Variants in CAMK2D observed in about 807,000 individuals in gnomAD.
CAMK2D encodes calcium/calmodulin-dependent protein kinase type II subunit delta.
A neutral mutation model predicts 84.0 loss-of-function variants in CAMK2D; 37 were observed. The ratio of observed to expected loss-of-function variants is 0.44; its 90% CI spans 0.34 to 0.58. The LOEUF is 0.58. CAMK2D is among the 20% of genes least tolerant of loss of function. CAMK2D has a pLI of 0.02. For missense variants in CAMK2D, 448 were observed against 652.5 expected (o/e 0.69, Z 3.41); for synonymous variants, 202 against 212.5 (o/e 0.95, Z 0.43).
intron 6 of CAMK2D, among the ~76,000 whole-genome samples, chr4:113,541,953 T>G (rs942012002): frequency 6.6e-6 from 1 of 152,244 alleles, no homozygotes; most frequent in African/African-American, 2.4e-5. Flanking sequence ...AATTAATGCC[T>G]GAATTCATGT....
chr4:113,683,333 C>T (rs2099350984), intron 2 of CAMK2D, among the ~76,000 whole-genome samples: 2 of 152,134 alleles, frequency 1.3e-5, no homozygotes, highest in African/African-American at 2.4e-5. Flanking sequence ...GAAAACCAGA[C>T]AGGGCACCGC....
At chr4:113,628,112 CCATT>C (rs1263485696) in intron 3 of CAMK2D, among the ~76,000 whole-genome samples, 7 of 152,240 alleles carry the variant, frequency 4.6e-5, no homozygotes, top group African/African-American at 1.7e-4. Flanking sequence ...ATGTGGTTAA[CCATT>C]CATGAAATTT....
At chr4:113,736,256 C>A (rs1393174193) in intron 2 of CAMK2D, among the ~76,000 whole-genome samples, 1 of 151,978 alleles carries the variant, frequency 6.6e-6, no homozygotes, top group African/African-American at 2.4e-5. Context: ...TTTTTAGATG[C>A]TATTCTTCAA....
chr4:113,594,808 A>C (rs2098916612), intron 4 of CAMK2D, among the ~76,000 whole-genome samples: 1 of 152,200 alleles, frequency 6.6e-6, no homozygotes, highest in South Asian at 2.1e-4. Context: ...GGACGATGAC[A>C]AAAAGTGTAA....
intron 16 of CAMK2D, among the ~76,000 whole-genome samples, chr4:113,466,251 C>G (rs1031687463): frequency 4.2e-5 from 6 of 143,944 alleles, no homozygotes; most frequent in African/African-American, 2.6e-5. Flanking sequence ...GAGCAAAACT[C>G]CGTCTCAAAA....
At chr4:113,740,430 TA>T (rs2099590139) in intron 2 of CAMK2D, among the ~76,000 whole-genome samples, 1 of 151,994 alleles carries the variant, frequency 6.6e-6, no homozygotes, top group Non-Finnish European at 1.5e-5. Context: ...ATGTTCAGAA[TA>T]AAACCTATAG....
chr4:113,487,904 G>T (rs985388570), intron 16 of CAMK2D, among the ~76,000 whole-genome samples: 2 of 151,902 alleles, frequency 1.3e-5, no homozygotes, highest in African/African-American at 2.4e-5. Context: ...TTGCATCACA[G>T]TAGAGTAGAA....
intron 2 of CAMK2D, among the ~76,000 whole-genome samples, chr4:113,723,102 T>G (rs1330532743): frequency 6.6e-6 from 1 of 151,896 alleles, no homozygotes; most frequent in African/African-American, 2.4e-5. Flanking sequence ...AGAAAACACA[T>G]ATAAAATTTT....
At chr4:113,715,075 A>C (rs1320764420) in intron 2 of CAMK2D, among the ~76,000 whole-genome samples, 3 of 152,212 alleles carry the variant, frequency 2.0e-5, no homozygotes, top group Non-Finnish European at 2.9e-5. Context: ...TACAACCTTT[A>C]TTAGATTTCT....
chr4:113,584,105 A>C (rs1448233494), intron 4 of CAMK2D, among the ~76,000 whole-genome samples: 1 of 152,140 alleles, frequency 6.6e-6, no homozygotes, highest in African/African-American at 2.4e-5. Flanking sequence ...CAGTCTTTCC[A>C]TTGTCAGTAA....
At chr4:113,619,654 C>G (rs1032673882) in intron 3 of CAMK2D, among the ~76,000 whole-genome samples, 1 of 152,190 alleles carries the variant, frequency 6.6e-6, no homozygotes, top group Non-Finnish European at 1.5e-5. Context: ...TCACATGGCT[C>G]ATGGCCTCAT....
At chr4:113,486,924 T>A (rs2154134010) in intron 16 of CAMK2D, among the ~76,000 whole-genome samples, 1 of 152,360 alleles carries the variant, frequency 6.6e-6, no homozygotes, top group South Asian at 2.1e-4. Flanking sequence ...CCTGCAACAT[T>A]ATCTTGTAGA....
chr4:113,658,282 T>C (rs747237631), intron 3 of CAMK2D, among the ~76,000 whole-genome samples: 23 of 152,174 alleles, frequency 1.5e-4, no homozygotes, highest in Non-Finnish European at 3.4e-4. Flanking sequence ...GATTCATCAA[T>C]TAAGGTAAGA....
chr4:113,462,710 G>A (rs1163210308), intron 17 of CAMK2D, among the ~76,000 whole-genome samples: 1 of 152,038 alleles, frequency 6.6e-6, no homozygotes, highest in East Asian at 1.9e-4. Context: ...CTATATAACA[G>A]TAGTATCTGT....
chr4:113,694,807 T>A (rs186428162), intron 2 of CAMK2D, among the ~76,000 whole-genome samples: 4 of 152,336 alleles, frequency 2.6e-5, no homozygotes, highest in African/African-American at 9.6e-5. Context: ...CATTGTGCTC[T>A]AATTGGTTTA....
intron 2 of CAMK2D, among the ~76,000 whole-genome samples, chr4:113,700,332 G>C (rs77226328): frequency 2.0e-5 from 3 of 151,972 alleles, no homozygotes; most frequent in Non-Finnish European, 4.4e-5. Context: ...AAATTCTTTC[G>C]GGTTGAGAAA....
chr4:113,583,143 C>G (rs539947208), intron 4 of CAMK2D, among the ~76,000 whole-genome samples: 3 of 151,502 alleles, frequency 2.0e-5, no homozygotes, highest in African/African-American at 7.3e-5. Context: ...CCCTCAGTCT[C>G]CACCCAGTTT....
At chr4:113,541,960 A>C (rs1039050188) in intron 6 of CAMK2D, among the ~76,000 whole-genome samples, 3 of 152,234 alleles carry the variant, frequency 2.0e-5, no homozygotes, top group African/African-American at 7.2e-5. Flanking sequence ...GCCTGAATTC[A>C]TGTACTTAGC....
intron 3 of CAMK2D, among the ~76,000 whole-genome samples, chr4:113,613,209 A>G (rs7692220): frequency 0.042 from 6,367 of 152,206 alleles, 456 homozygotes; most frequent in African/African-American, 0.14. Flanking sequence ...TTTTGCCATA[A>G]GCTTTTACAA....
Sources: gnomAD v4.1 joint callset for allele counts (sites outside exome capture counted in the v4.1 genomes callset) on GRCh38, gnomAD v4.1.1 for gene constraint, MANE v1.5 for transcripts, NCBI Gene and HGNC (gene_info 2026-07-23, HGNC 2026-07-21) for gene names.